CACNA2D1: variants seen among roughly 807,000 people sequenced by gnomAD.
The protein encoded by CACNA2D1 is calcium voltage-gated channel auxiliary subunit alpha2delta 1.
A neutral mutation model predicts 171.5 loss-of-function variants in CACNA2D1; 53 were observed. The observed-to-expected ratio is 0.31, with a 90% CI of 0.25 to 0.39. CACNA2D1 has a LOEUF of 0.39. CACNA2D1 is among the 10% of genes least tolerant of loss of function. The pLI, the probability that CACNA2D1 is intolerant of heterozygous loss-of-function variation, is 1.00. For missense variants in CACNA2D1, 903 were observed against 1,299.8 expected, an observed-to-expected ratio of 0.69 and a Z score of 4.69; for synonymous variants, 442 against 443.1, an observed-to-expected ratio of 1.00 and a Z score of 0.03.
chr7:82,147,994 G>A (rs559448110), intron 4 of CACNA2D1, among the ~76,000 whole-genome samples: 2 of 152,042 alleles, frequency 1.3e-5, no homozygotes, highest in South Asian at 2.1e-4. Flanking sequence ...CATCCAAGAC[G>A]CCCCAGTAAA....
chr7:81,982,800 AAAT>A (rs1796575525), intron 23 of CACNA2D1, 173 bp from the exon 24 acceptor site: 2 of 672,214 alleles, frequency 3.0e-6, no homozygotes, highest in Non-Finnish European at 5.3e-6. Flanking sequence ...ATGCTTCCCA[AAAT>A]AATAAAATTA....
At chr7:82,007,564 C>T in intron 16 of CACNA2D1, 115 bp downstream of exon 16, 1 of 681,746 alleles carries the variant, frequency 1.5e-6, no homozygotes, top group South Asian at 1.7e-5. Flanking sequence ...TGACCTCTGG[C>T]CTCACAAGAC....
At chr7:82,235,861 C>G (rs1221587790) in intron 3 of CACNA2D1, among the ~76,000 whole-genome samples, 1 of 152,030 alleles carries the variant, frequency 6.6e-6, no homozygotes, top group Non-Finnish European at 1.5e-5. Context: ...TAAAATGTTA[C>G]AGTGTATGAA....
chr7:82,268,346 AAT>A (rs1808184937), intron 3 of CACNA2D1, among the ~76,000 whole-genome samples: 1 of 152,206 alleles, frequency 6.6e-6, no homozygotes, highest in African/African-American at 2.4e-5. Context: ...AACTGAGCAT[AAT>A]ATATCACAGA....
chr7:82,357,841 C>A (rs929627691), intron 1 of CACNA2D1, among the ~76,000 whole-genome samples: 4 of 148,456 alleles, frequency 2.7e-5, no homozygotes, highest in African/African-American at 1.0e-4. Flanking sequence ...TGCACATGTA[C>A]CCTAAAACTT....
rs367792846 is a variant in CACNA2D1, at chr7:82,364,642, C to T, written c.96-14993G>A. On this transcript the variant is annotated intron_variant, in intron 1 of 38. Coordinates refer to ENST00000356860, the MANE Select transcript of CACNA2D1 (RefSeq NM_000722.4). ...CTCGAATTAGAATCTTATTCTTGACCCTCCCAATCAGATTCTTCCTGCTAG... is the reference window on the plus strand; with the variant it reads ...CTCGAATTAGAATCTTATTCTTGACTCTCCCAATCAGATTCTTCCTGCTAG... 2.6e-4 allele frequency among the ~76,000 whole-genome samples: 39 copies of T among 152,164 alleles called. No individual in the cohort carries two copies. In the East Asian group the frequency reaches 3.5e-3, roughly 14 times the overall value.
intron 3 of CACNA2D1, among the ~76,000 whole-genome samples, chr7:82,297,017 T>C (rs1304489456): frequency 7.0e-6 from 1 of 142,226 alleles, no homozygotes; most frequent in Non-Finnish European, 1.5e-5. Flanking sequence ...GGAAGATCGC[T>C]TAAGTCCAGG....
At chr7:82,160,024 G>A (rs1584956403) in intron 4 of CACNA2D1, among the ~76,000 whole-genome samples, 1 of 151,484 alleles carries the variant, frequency 6.6e-6, no homozygotes, top group African/African-American at 2.4e-5. Context: ...TGTACAAGAT[G>A]TATTATTCCT....
At chr7:82,079,087 T>A (rs1338578060) in intron 7 of CACNA2D1, among the ~76,000 whole-genome samples, 1 of 152,286 alleles carries the variant, frequency 6.6e-6, no homozygotes, top group East Asian at 1.9e-4. Flanking sequence ...ACTGCATAGG[T>A]ACCTTTATAT....
chr7:81,948,343 T>A lies in CACNA2D1; in HGVS notation c.*2049A>T, dbSNP rs190038776. 2.8e-4 allele frequency: 43 copies of A among 151,968 alleles called. 3 individuals are homozygous for A. The East Asian group carries it at 8.1e-3, about 29-fold the overall frequency. The allele number at this position is 151,968 out of a possible 1,614,324, so 9.4% of individuals were successfully genotyped here. A position where few individuals can be genotyped will look rare whatever the true frequency, so the allele number is the denominator to read the frequency against. ...TAAATCACTTTGGTGTTTTCTAAAA[T>A]GTCAATACCAGTTATGAATGACACT... On this transcript the variant is annotated 3_prime_UTR_variant, in exon 39 of 39. Coordinates refer to ENST00000356860, the MANE Select transcript of CACNA2D1 (RefSeq NM_000722.4).
intron 12 of CACNA2D1, among the ~76,000 whole-genome samples, chr7:82,032,494 A>G (rs1178005626): frequency 1.3e-5 from 2 of 151,688 alleles, no homozygotes; most frequent in Non-Finnish European, 2.9e-5. Context: ...CTATTTTACC[A>G]TTCCTTTGAT....
chr7:82,013,405 A>G, intron 14 of CACNA2D1, 56 bp downstream of exon 14: 1 of 798,814 alleles, frequency 1.3e-6, no homozygotes, highest in Non-Finnish European at 1.8e-6. Context: ...TATTTAAACC[A>G]GAAAAATATC....
chr7:82,387,627 A>G (rs994476005), intron 1 of CACNA2D1, among the ~76,000 whole-genome samples: 1 of 152,204 alleles, frequency 6.6e-6, no homozygotes, highest in Admixed American at 6.5e-5. Flanking sequence ...TTTATGATTC[A>G]TTTAGAATTG....
chr7:82,073,025 T>C (rs1261341245), intron 7 of CACNA2D1, among the ~76,000 whole-genome samples: 2 of 152,168 alleles, frequency 1.3e-5, no homozygotes, highest in African/African-American at 4.8e-5. Context: ...GACTGGGGCT[T>C]GAACATGATA....
intron 3 of CACNA2D1, among the ~76,000 whole-genome samples, chr7:82,314,591 A>T (rs1355067701): frequency 6.6e-6 from 1 of 152,190 alleles, no homozygotes; most frequent in Non-Finnish European, 1.5e-5. Flanking sequence ...GAATTATTTC[A>T]CTCAAACGTT....
chr7:82,005,624 T>C (rs1799043838), intron 17 of CACNA2D1, 127 bp from the exon 18 acceptor site: 1 of 878,604 alleles, frequency 1.1e-6, no homozygotes. Flanking sequence ...TGGAATCATT[T>C]TATTTTAGAG....
intron 10 of CACNA2D1, among the ~76,000 whole-genome samples, chr7:82,048,273 A>G (rs574041246): frequency 2.0e-5 from 3 of 151,056 alleles, no homozygotes; most frequent in South Asian, 2.1e-4. Flanking sequence ...TGACAAAAAG[A>G]TAGGTAAAGA....
At chr7:82,434,359 G>C (rs768937253) in intron 1 of CACNA2D1, among the ~76,000 whole-genome samples, 2 of 152,098 alleles carry the variant, frequency 1.3e-5, no homozygotes, top group Non-Finnish European at 2.9e-5. Flanking sequence ...TTATTTTTAA[G>C]TTGAGGGGTA....
intron 3 of CACNA2D1, among the ~76,000 whole-genome samples, chr7:82,272,904 C>T (rs1222230894): frequency 1.3e-5 from 2 of 152,100 alleles, no homozygotes. Flanking sequence ...AGGTAAGCCA[C>T]TCCTAATTTC....
Sources: gnomAD v4.1 joint callset for allele counts (sites outside exome capture counted in the v4.1 genomes callset) on GRCh38, gnomAD v4.1.1 for gene constraint, MANE v1.5 for transcripts, NCBI Gene and HGNC (gene_info 2026-07-23, HGNC 2026-07-21) for gene names.